Variants in MARCHF1 observed in about 807,000 individuals in gnomAD.
The protein encoded by MARCHF1 is E3 ubiquitin-protein ligase MARCHF1.
Under a neutral mutation model 54.2 loss-of-function variants are expected in MARCHF1, and 40 were observed. The ratio of observed to expected loss-of-function variants is 0.74; its 90% CI spans 0.57 to 0.96. MARCHF1 has a LOEUF of 0.96. MARCHF1 is among the 40% of genes least tolerant of loss of function. The pLI is 0.00. For synonymous variants in MARCHF1, 236 were observed against 236.3 expected (o/e 1.00, Z 0.01); for missense variants, 586 against 656.5 (o/e 0.89, Z 1.17).
chr4:163,702,726 A>C (rs1229735385), intron 4 of MARCHF1, among the ~76,000 whole-genome samples: 1 of 152,192 alleles, frequency 6.6e-6, no homozygotes, highest in Non-Finnish European at 1.5e-5. Context: ...GGGGAAAAGC[A>C]TCTGATTGAT....
At chr4:164,296,343 T>C (rs1734411052) in intron 1 of MARCHF1, among the ~76,000 whole-genome samples, 1 of 152,078 alleles carries the variant, frequency 6.6e-6, no homozygotes, top group Non-Finnish European at 1.5e-5. Context: ...ATCAAAGAAG[T>C]TTTAACTGTT....
intron 4 of MARCHF1, among the ~76,000 whole-genome samples, chr4:163,815,137 A>G (rs1293150280): frequency 6.6e-6 from 1 of 152,196 alleles, no homozygotes; most frequent in Non-Finnish European, 1.5e-5. Context: ...ACATTCTTCA[A>G]TACAGTAATA....
intron 3 of MARCHF1, among the ~76,000 whole-genome samples, chr4:163,899,757 A>G (rs1370574408): frequency 1.9e-5 from 1 of 51,406 alleles, no homozygotes; most frequent in African/African-American, 6.0e-5. Context: ...TCCCAGTCTC[A>G]CCCACTACAC....
chr4:164,040,888 A>T (rs550693080), intron 2 of MARCHF1, among the ~76,000 whole-genome samples: 28 of 152,088 alleles, frequency 1.8e-4, no homozygotes, highest in Non-Finnish European at 3.8e-4. Context: ...GACATTCTGA[A>T]TTGTTTAATC....
intron 4 of MARCHF1, among the ~76,000 whole-genome samples, chr4:163,729,087 T>A (rs1745752859): frequency 6.6e-6 from 1 of 152,174 alleles, no homozygotes; most frequent in Non-Finnish European, 1.5e-5. Flanking sequence ...ATTTTTTGAA[T>A]GTTGAATCAG....
intron 1 of MARCHF1, among the ~76,000 whole-genome samples, chr4:164,167,616 T>G (rs540126973): frequency 2.0e-5 from 3 of 151,676 alleles, no homozygotes; most frequent in African/African-American, 7.2e-5. Flanking sequence ...AGTCTAGAAA[T>G]AGATTCAAAC....
At chr4:164,247,291 G>A (rs1217086206) in intron 1 of MARCHF1, among the ~76,000 whole-genome samples, 1 of 143,456 alleles carries the variant, frequency 7.0e-6, no homozygotes, top group Non-Finnish European at 1.5e-5. Context: ...AAAATGATGA[G>A]TTCATTTCCT....
intron 3 of MARCHF1, among the ~76,000 whole-genome samples, chr4:163,951,203 T>C (rs1752127961): frequency 6.6e-6 from 1 of 152,240 alleles, no homozygotes; most frequent in Non-Finnish European, 1.5e-5. Context: ...GCCAGATATA[T>C]TTGCACTTAT....
chr4:164,328,886 T>C (rs1375093344), intron 1 of MARCHF1, among the ~76,000 whole-genome samples: 2 of 152,160 alleles, frequency 1.3e-5, no homozygotes, highest in African/African-American at 2.4e-5. Flanking sequence ...CAGGATAAAA[T>C]GGGTGGAGGC....
At chr4:163,737,977 C>CT in intron 4 of MARCHF1, among the ~76,000 whole-genome samples, 1 of 76,494 alleles carries the variant, frequency 1.3e-5, no homozygotes, top group Admixed American at 1.3e-4. Context: ...TATTGCGGCA[C>CT]TATTCGCAGC....
intron 1 of MARCHF1, among the ~76,000 whole-genome samples, chr4:164,185,485 T>C (rs1730943325): frequency 6.6e-6 from 1 of 152,178 alleles, no homozygotes; most frequent in African/African-American, 2.4e-5. Context: ...AAAACAGGTT[T>C]TATTATAAAG....
Position 164,197,835 on chromosome 4 carries a change from C to T in MARCHF1, c.-322-86173G>A. ...CCAGCTCCGCTCGGTTCTCGAGCCC[C>T]AATATTTACAAATATTATAATAAAG... On this transcript the variant is annotated intron_variant, in intron 1 of 9. Transcript: ENST00000514618. 19 of 1,457,440 alleles carry T rather than the reference C, an allele frequency of 1.3e-5. No individual in the cohort carries two copies. In the South Asian group the frequency reaches 2.6e-4, roughly 20 times the overall value. 90.3% of individuals were successfully genotyped at this position (1,457,440 alleles called of 1,614,324 possible).
chr4:164,028,825 C>G (rs1312275927), intron 2 of MARCHF1, among the ~76,000 whole-genome samples: 3 of 152,202 alleles, frequency 2.0e-5, no homozygotes, highest in African/African-American at 7.2e-5. Context: ...TCACCATACA[C>G]TGCAGAATGA....
At chr4:164,177,907 A>C (rs2111002911) in intron 1 of MARCHF1, among the ~76,000 whole-genome samples, 1 of 152,230 alleles carries the variant, frequency 6.6e-6, no homozygotes, top group South Asian at 2.1e-4. Context: ...AGATCACAAG[A>C]AGCACTGCAT....
At chr4:164,241,791 A>G (rs1321893289) in intron 1 of MARCHF1, among the ~76,000 whole-genome samples, 3 of 152,218 alleles carry the variant, frequency 2.0e-5, no homozygotes, top group African/African-American at 7.2e-5. Flanking sequence ...GAGCCGAAGC[A>G]GGGCGAGGCA....
At chr4:163,895,681 T>A (rs1056923371) in intron 3 of MARCHF1, among the ~76,000 whole-genome samples, 1 of 152,154 alleles carries the variant, frequency 6.6e-6, no homozygotes, top group Admixed American at 6.5e-5. Context: ...AAAGAGGATG[T>A]TCTGTTTTGA....
At chr4:164,109,309 A>T (rs189347061) in intron 2 of MARCHF1, among the ~76,000 whole-genome samples, 9 of 152,120 alleles carry the variant, frequency 5.9e-5, no homozygotes. Context: ...AGGTCTCTCA[A>T]AAGAAGGGAT....
At chr4:164,201,256 T>A (rs1731444862) in intron 1 of MARCHF1, among the ~76,000 whole-genome samples, 1 of 152,158 alleles carries the variant, frequency 6.6e-6, no homozygotes, top group African/African-American at 2.4e-5. Context: ...AGTCTCGCTC[T>A]GTTGCCAGGC....
At chr4:163,672,667 T>C (rs945411996) in intron 5 of MARCHF1, among the ~76,000 whole-genome samples, 1 of 152,200 alleles carries the variant, frequency 6.6e-6, no homozygotes, top group Admixed American at 6.5e-5. Flanking sequence ...ATTTTCCTAT[T>C]ACTGCTTTCA....
Sources: allele counts gnomAD v4.1 joint callset (sites outside exome capture counted in the v4.1 genomes callset), GRCh38; gene constraint gnomAD v4.1.1; transcripts MANE v1.5; gene names NCBI Gene and HGNC (gene_info 2026-07-23, HGNC 2026-07-21).